Variants in GABRG3 observed in about 807,000 individuals in gnomAD.
The protein encoded by GABRG3 is gamma-aminobutyric acid type A receptor subunit gamma3, also known as gamma-aminobutyric acid receptor subunit gamma-3.
In GABRG3, 25 loss-of-function variants were observed where a neutral mutation model predicts 48.8. The ratio of observed to expected loss-of-function variants is 0.51; its 90% confidence interval spans 0.37 to 0.72. The LOEUF is 0.72. Ranked by LOEUF, GABRG3 falls within the 30% of genes least tolerant of loss-of-function variation. GABRG3 has a pLI of 0.00. For synonymous variants in GABRG3, 227 were observed against 217.6 expected (o/e 1.04, Z -0.38); for missense variants, 394 against 577.9 (o/e 0.68, Z 3.26).
In GABRG3 at chr15:27,116,327, C is replaced by T. The variant is rs533400934; in HGVS notation, c.270+89506C>T. ...GTCATTGTTCCTTCTTCATTTTTTC[C>T]GTAACAGTTACAATAATAGCCTTTA... On this transcript the variant is annotated intron_variant, in intron 3 of 9. Coordinates refer to ENST00000615808, the MANE Select transcript of GABRG3 (RefSeq NM_033223.5). Among the ~76,000 whole-genome samples the T allele has an allele frequency of 1.6e-4, 24 of 152,200 alleles. No individual in the cohort carries two copies. In the East Asian group the frequency reaches 2.7e-3, roughly 17 times the overall value.
intron 3 of GABRG3, chr15:27,158,118 G>A (rs1034895940): frequency 6.6e-6 from 1 of 152,022 alleles, no homozygotes; most frequent in Non-Finnish European, 1.5e-5. Context: ...TTTCAGGTGG[G>A]AGGAACTTCA....
At chr15:27,522,158 T>A (rs1891174354) in intron 7 of GABRG3, among the ~76,000 whole-genome samples, 2 of 151,986 alleles carry the variant, frequency 1.3e-5, no homozygotes, top group Non-Finnish European at 2.9e-5. Flanking sequence ...AAAATATGAC[T>A]GACTGATTCT....
At chr15:27,243,830 A>G (rs1371665932) in intron 3 of GABRG3, among the ~76,000 whole-genome samples, 5 of 152,220 alleles carry the variant, frequency 3.3e-5, no homozygotes, top group Non-Finnish European at 5.9e-5. Flanking sequence ...GACCCCAATC[A>G]TGGTTTTTCC....
rs1887876208 is a variant in GABRG3, at chr15:27,180,027, A to G, written c.271-146782A>G. 6.6e-6 allele frequency among the ~76,000 whole-genome samples: 1 copy of G among 152,184 alleles called. No homozygotes were observed. Among genetic ancestry groups the G allele is most frequent in the South Asian group, 2.1e-4 (1 of 4,830 alleles). On this transcript the variant is annotated intron_variant, in intron 3 of 9. Coordinates refer to ENST00000615808, the MANE Select transcript of GABRG3 (RefSeq NM_033223.5). This position sits in a 1 kb window ranked among gnomAD's most constrained non-coding sequence, Gnocchi z 4.2. Reference sequence around the variant, plus strand: ...CTCATGGTTACATGGAAGTGGCTAAATGGCCTTCTGCAGAGCCACTGCCTG... The same window carrying G: ...CTCATGGTTACATGGAAGTGGCTAAGTGGCCTTCTGCAGAGCCACTGCCTG...
intron 5 of GABRG3, among the ~76,000 whole-genome samples, chr15:27,404,948 G>A (rs929815869): frequency 8.5e-5 from 13 of 152,204 alleles, no homozygotes; most frequent in African/African-American, 3.1e-4. Flanking sequence ...GTCCTCGCAA[G>A]TCAGGGTGTG....
At chr15:27,174,938 C>A (rs937551465) in intron 3 of GABRG3, among the ~76,000 whole-genome samples, 1 of 152,100 alleles carries the variant, frequency 6.6e-6, no homozygotes, top group Non-Finnish European at 1.5e-5. Flanking sequence ...CACATGGACA[C>A]GTGGGCATTG....
chr15:27,496,163 C>T (rs12906479), intron 6 of GABRG3, among the ~76,000 whole-genome samples: 27,484 of 152,142 alleles, frequency 0.18, 3,351 homozygotes, highest in East Asian at 0.53. Flanking sequence ...GTGCCAGGAG[C>T]GCTCATGGCC....
At chr15:27,282,889 C>G (rs1221302098) in intron 3 of GABRG3, among the ~76,000 whole-genome samples, 1 of 152,156 alleles carries the variant, frequency 6.6e-6, no homozygotes, top group Non-Finnish European at 1.5e-5. Flanking sequence ...GGACACCCCC[C>G]CAGCCTCACT....
intron 3 of GABRG3, among the ~76,000 whole-genome samples, chr15:27,290,111 A>T (rs562284173): frequency 6.6e-6 from 1 of 152,160 alleles, no homozygotes; most frequent in South Asian, 2.1e-4. Context: ...AAATGCACTG[A>T]TGGAGGTATG....
intron 5 of GABRG3, among the ~76,000 whole-genome samples, chr15:27,331,755 T>C (rs1228258703): frequency 6.6e-6 from 1 of 152,196 alleles, no homozygotes; most frequent in Non-Finnish European, 1.5e-5. Flanking sequence ...TGGTAACAAA[T>C]GGACCACTCT....
intron 3 of GABRG3, among the ~76,000 whole-genome samples, chr15:27,279,016 T>G (rs555074793): frequency 1.7e-3 from 252 of 152,212 alleles, no homozygotes; most frequent in Non-Finnish European, 2.0e-3. Flanking sequence ...AGTTTATGGC[T>G]TTAATTTGCC....
chr15:27,201,353 C>CGT lies in GABRG3; in HGVS notation c.271-125438_271-125437dup, dbSNP rs376315853. Among the ~76,000 whole-genome samples, 997 of 144,214 alleles carry CGT rather than the reference C, an allele frequency of 6.9e-3. 7 individuals are homozygous for CGT. The highest frequency in any genetic ancestry group is 9.3e-3 in the East Asian group (45 of 4,842). The allele number at this position is 144,214 out of a possible 152,430, so 94.6% of individuals were successfully genotyped here. On this transcript the variant is annotated intron_variant, in intron 3 of 9. Coordinates refer to ENST00000615808, the MANE Select transcript of GABRG3 (RefSeq NM_033223.5). ...AGTGGGGCATGGGGAGTGAGGGGTG[C>CGT]GTGTGTGTGTGTGTGTGTGAGAGAG... is the stretch of plus-strand genomic sequence containing the variant.
chr15:27,447,088 T>C lies in GABRG3; in HGVS notation c.575-33562T>C, dbSNP rs1272175984. Among the ~76,000 whole-genome samples, 1 of 152,090 alleles carries C rather than the reference T, an allele frequency of 6.6e-6. No individual in the cohort carries two copies. The highest frequency in any genetic ancestry group is 2.4e-5 in the African/African-American group (1 of 41,412). The stretch of plus-strand genomic sequence containing the variant: ...AAGACACATCTGCAAAATATTAACA[T>C]CTGGTAGACAAGGGCAGCAATCCCA... On this transcript the variant is annotated intron_variant, in intron 5 of 9. Transcript: ENST00000615808. The surrounding 1 kb of genome is among the most constrained non-coding windows in gnomAD (Gnocchi z 4.0).
chr15:27,151,222 C>T (rs1898305682), intron 3 of GABRG3, among the ~76,000 whole-genome samples: 1 of 152,066 alleles, frequency 6.6e-6, no homozygotes, highest in Non-Finnish European at 1.5e-5. Flanking sequence ...CCTTTTATGA[C>T]CACACACATT....
intron 3 of GABRG3, among the ~76,000 whole-genome samples, chr15:27,202,884 T>TA (rs1888733980): frequency 6.6e-6 from 1 of 152,204 alleles, no homozygotes; most frequent in Non-Finnish European, 1.5e-5. Flanking sequence ...TTTTAGTTTT[T>TA]ATGTGGTAAA....
chr15:27,376,312 G>C (rs1429200677), intron 5 of GABRG3, among the ~76,000 whole-genome samples: 1 of 152,180 alleles, frequency 6.6e-6, no homozygotes, highest in Non-Finnish European at 1.5e-5. Flanking sequence ...GCTTTTCCTG[G>C]TGCACGATGC....
chr15:26,971,474 G>T lies in GABRG3; in HGVS notation c.-62G>T. On this transcript the variant is annotated 5_prime_UTR_variant, in exon 1 of 10. Coordinates refer to ENST00000615808, the MANE Select transcript of GABRG3 (RefSeq NM_033223.5). ...AAGAGGGCCGGCGGAGACCAGGTCC[G>T]CGCCGGAGGAAGCCGCGCCCGGCCG... 7.3e-7 allele frequency: 1 copy of T among 1,372,208 alleles called. No homozygotes were observed. 85.0% of individuals were successfully genotyped at this position (1,372,208 alleles called of 1,614,324 possible). A position where few individuals can be genotyped will look rare whatever the true frequency, so the allele number is the denominator to read the frequency against.
chr15:27,388,543 A>G (rs1206635322), intron 5 of GABRG3, among the ~76,000 whole-genome samples: 1 of 152,196 alleles, frequency 6.6e-6, no homozygotes, highest in African/African-American at 2.4e-5. Context: ...TACCATTGAT[A>G]GCATTCTCCA....
intron 3 of GABRG3, among the ~76,000 whole-genome samples, chr15:27,088,106 TG>T (rs1049170122): frequency 3.0e-4 from 24 of 79,600 alleles, no homozygotes; most frequent in African/African-American, 9.8e-4. Flanking sequence ...GTGCCGTGGT[TG>T]TGTGTGTGTG....
Sources: allele counts gnomAD v4.1 joint callset (sites outside exome capture counted in the v4.1 genomes callset), GRCh38; gene constraint gnomAD v4.1.1; non-coding constraint Gnocchi (gnomAD v3.1); transcripts MANE v1.5; gene names NCBI Gene and HGNC (gene_info 2026-07-23, HGNC 2026-07-21).